BBX: variants seen among roughly 807,000 people sequenced by gnomAD.
BBX encodes the protein HMG box transcription factor BBX.
BBX carries 30 observed loss-of-function variants against 100.2 expected under a neutral mutation model. The observed-to-expected ratio is 0.30, with a 90% CI of 0.22 to 0.41. BBX has a LOEUF of 0.41. BBX is among the 10% of genes least tolerant of loss of function. The pLI, the probability that BBX is intolerant of heterozygous loss-of-function variation, is 1.00. For missense variants in BBX, 1,023 were observed against 1,129.8 expected (o/e 0.91, Z 1.35); for synonymous variants, 376 against 388.1 (o/e 0.97, Z 0.37).
At chr3:107,754,048 G>A (rs148730612) in intron 9 of BBX, among the ~76,000 whole-genome samples, 520 of 152,242 alleles carry the variant, frequency 3.4e-3, no homozygotes, top group Non-Finnish European at 5.4e-3. Context: ...GCATAATTGC[G>A]GGCAGGTATT....
intron 2 of BBX, among the ~76,000 whole-genome samples, chr3:107,597,941 A>G (rs1361835750): frequency 1.3e-5 from 2 of 152,100 alleles, no homozygotes; most frequent in Admixed American, 6.6e-5. Flanking sequence ...ATTTTGTAAA[A>G]TGGGAGAATG....
At chr3:107,667,606 G>C (rs957431107) in intron 3 of BBX, among the ~76,000 whole-genome samples, 1 of 151,724 alleles carries the variant, frequency 6.6e-6, no homozygotes, top group Non-Finnish European at 1.5e-5. Flanking sequence ...GATAGATTCT[G>C]TATTGGATGG....
At chr3:107,691,040 A>G (rs1032178382) in intron 3 of BBX, among the ~76,000 whole-genome samples, 6 of 151,344 alleles carry the variant, frequency 4.0e-5, no homozygotes, top group African/African-American at 1.5e-4. Context: ...CTAAGTAGCT[A>G]GGACCACCGG....
chr3:107,777,093 T>G (rs1009283714), intron 12 of BBX, among the ~76,000 whole-genome samples: 8 of 152,170 alleles, frequency 5.3e-5, no homozygotes, highest in Non-Finnish European at 1.2e-4. Context: ...CCACAATGAG[T>G]AGCATGATGA....
intron 2 of BBX, among the ~76,000 whole-genome samples, chr3:107,546,835 C>T (rs920216458): frequency 6.6e-6 from 1 of 152,002 alleles, no homozygotes; most frequent in Non-Finnish European, 1.5e-5. Context: ...TTCCTTTATC[C>T]TCTCTACTAC....
chr3:107,800,957 C>T, intron 16 of BBX, 138 bp from the exon 17 acceptor site: 4 of 819,674 alleles, frequency 4.9e-6, no homozygotes, highest in Non-Finnish European at 7.7e-6. Context: ...CTGTAAAAGC[C>T]TTAATATTCG....
chr3:107,732,996 T>A lies in BBX; in HGVS notation c.642T>A (p.Ala214=), dbSNP rs147992493. 351 of 1,613,154 alleles carry A rather than the reference T, an allele frequency of 2.2e-4. No individual in the cohort carries two copies. The highest frequency in any genetic ancestry group is 2.9e-4 in the Non-Finnish European group (337 of 1,179,624). The change falls in exon 7 of 18, where the codon GCT becomes GCA. Residue 214 remains alanine (A), a synonymous_variant. Transcript: ENST00000325805. ...QMGGLSMLLL[A]GEHALGTPEV... Reference sequence around the variant, plus strand: ...GAGGCCTGAGTATGCTGCTGTTAGCTGGAGAACATGCTCTTGGCACACCAG... The same window carrying A: ...GAGGCCTGAGTATGCTGCTGTTAGCAGGAGAACATGCTCTTGGCACACCAG...
chr3:107,663,888 C>T (rs2058599277), intron 3 of BBX, among the ~76,000 whole-genome samples: 2 of 151,342 alleles, frequency 1.3e-5, no homozygotes, highest in African/African-American at 4.9e-5. Context: ...TCACTGCAAG[C>T]TCTGCCTCCC....
intron 10 of BBX, among the ~76,000 whole-genome samples, chr3:107,769,241 G>GACAGACA (rs1553814743): frequency 7.2e-6 from 1 of 139,026 alleles, no homozygotes; most frequent in African/African-American, 3.1e-5. Context: ...CAGATAGATA[G>GACAGACA]GATAGATAGA....
At chr3:107,742,080 AT>A (rs2064154826) in intron 7 of BBX, among the ~76,000 whole-genome samples, 1 of 152,170 alleles carries the variant, frequency 6.6e-6, no homozygotes, top group African/African-American at 2.4e-5. Context: ...AATAAATGAT[AT>A]ATTTTACAAT....
intron 2 of BBX, among the ~76,000 whole-genome samples, chr3:107,573,136 AAAC>A (rs1366834905): frequency 6.6e-6 from 1 of 152,354 alleles, no homozygotes; most frequent in East Asian, 1.9e-4. Flanking sequence ...GAATAAATCT[AAAC>A]AACAATTAAA....
chr3:107,689,913 G>A (rs1411908920), intron 3 of BBX, among the ~76,000 whole-genome samples: 1 of 152,116 alleles, frequency 6.6e-6, no homozygotes, highest in East Asian at 1.9e-4. Flanking sequence ...TAAAGATTAT[G>A]TAAATCTCTC....
At chr3:107,594,273 A>G (rs2053531437) in intron 2 of BBX, among the ~76,000 whole-genome samples, 1 of 152,058 alleles carries the variant, frequency 6.6e-6, no homozygotes, top group Non-Finnish European at 1.5e-5. Context: ...GCCTCCATTT[A>G]GTTCATCCAT....
chr3:107,737,302 CACAG>C (rs565051767), intron 7 of BBX, among the ~76,000 whole-genome samples: 574 of 40,322 alleles, frequency 0.014, 1 homozygote, highest in African/African-American at 0.037. Context: ...CATACATACA[CACAG>C]AGAGAGAGAG....
intron 2 of BBX, among the ~76,000 whole-genome samples, chr3:107,615,184 G>A (rs1449085513): frequency 6.6e-6 from 1 of 152,112 alleles, no homozygotes; most frequent in Non-Finnish European, 1.5e-5. Flanking sequence ...GGAAGAAGTG[G>A]ACTCATTGAC....
intron 2 of BBX, among the ~76,000 whole-genome samples, chr3:107,583,929 A>T (rs866335750): frequency 4.5e-4 from 36 of 80,582 alleles, no homozygotes; most frequent in African/African-American, 1.9e-3. Flanking sequence ...TTTATATATA[A>T]TATATATATT....
intron 13 of BBX, among the ~76,000 whole-genome samples, chr3:107,782,839 T>C (rs900157293): frequency 5.9e-5 from 9 of 152,092 alleles, no homozygotes; most frequent in African/African-American, 2.2e-4. Context: ...GATTTTTTTT[T>C]CATAAGGAAG....
chr3:107,689,486 G>A lies in BBX; in HGVS notation c.-9-20966G>A, dbSNP rs188702923. On this transcript the variant is annotated intron_variant, in intron 3 of 17. Coordinates refer to ENST00000325805, the MANE Select transcript of BBX (RefSeq NM_001142568.3). ...TGTGTGTGCTCTCCATCAATAAAGC[G>A]TATTTGTTTTGAAAGATGCAGCACT... 8.1e-4 allele frequency among the ~76,000 whole-genome samples: 124 copies of A among 152,250 alleles called. 1 individual carries two copies. The highest frequency in any genetic ancestry group is 6.4e-3 in the Admixed American group (98 of 15,282).
At chr3:107,575,367 G>A (rs1308828479) in intron 2 of BBX, among the ~76,000 whole-genome samples, 1 of 152,024 alleles carries the variant, frequency 6.6e-6, no homozygotes, top group African/African-American at 2.4e-5. Flanking sequence ...TTTGTTGCCA[G>A]TGTTTATGGA....
Sources: allele counts gnomAD v4.1 joint callset (sites outside exome capture counted in the v4.1 genomes callset), GRCh38; gene constraint gnomAD v4.1.1; transcripts MANE v1.5; gene names NCBI Gene and HGNC (gene_info 2026-07-23, HGNC 2026-07-21).